RASA2: variants seen among roughly 807,000 people sequenced by gnomAD.
RASA2 encodes the protein ras GTPase-activating protein 2.
A neutral mutation model predicts 118.2 loss-of-function variants in RASA2; 155 were observed. The observed-to-expected ratio is 1.31, with a 90% CI of 1.15 to 1.50. RASA2 has a LOEUF of 1.50. RASA2 is among the 40% of genes most tolerant of loss of function. RASA2 has a pLI of 0.00. For synonymous variants in RASA2, 353 were observed against 349.1 expected (o/e 1.01, Z -0.12); for missense variants, 1,016 against 1,009.6 (o/e 1.01, Z -0.09).
chr3:141,511,164 A>G (rs1452265425), intron 1 of RASA2, among the ~76,000 whole-genome samples: 1 of 152,128 alleles, frequency 6.6e-6, no homozygotes, highest in African/African-American at 2.4e-5. Flanking sequence ...TGAGAGTAAG[A>G]GAGAAAAATG....
chr3:141,604,021 A>G (rs1385693293), intron 19 of RASA2, among the ~76,000 whole-genome samples: 1 of 152,232 alleles, frequency 6.6e-6, no homozygotes, highest in Admixed American at 6.5e-5. Flanking sequence ...GTTTTTGGCT[A>G]TTATGAACAA....
intron 19 of RASA2, chr3:141,590,044 A>G (rs901987406): frequency 2.3e-6 from 1 of 441,108 alleles, no homozygotes; most frequent in Non-Finnish European, 4.5e-6. Flanking sequence ...CAAAGCCTGC[A>G]GTTTTAAGCT....
Position 141,553,931 on chromosome 3 carries a change from G to T in RASA2, c.602G>T (p.Gly201Val). 6.2e-7 allele frequency: 1 copy of T among 1,610,666 alleles called. No individual in the cohort carries two copies. Among genetic ancestry groups the T allele is most frequent in the Non-Finnish European group, 8.5e-7 (1 of 1,178,214 alleles). ...CCTTATGCAACAGTTTCTCTAGTGG[G>T]CCCTTCTAGGTAATATTTATTGAAT... ...CDPYATVSLV[G>V]PSRNDQKKTK... Residue 201 changes from glycine to valine, a missense_variant, in exon 6 of 24, where the codon GGC becomes GTC. Around this residue, in one of 2 missense-constraint regions of RASA2, gnomAD observed 896 missense variants for 836.4 expected, o/e 1.07. Transcript: ENST00000286364.
chr3:141,612,257 GA>G (rs771551120), intron 23 of RASA2, 25 bp from the exon 24 acceptor site: 1 of 1,538,806 alleles, frequency 6.5e-7, no homozygotes, highest in South Asian at 1.2e-5. Context: ...CTTAAATTTT[GA>G]AAAATGACTT....
intron 19 of RASA2, among the ~76,000 whole-genome samples, chr3:141,604,126 T>C: frequency 6.6e-6 from 1 of 152,164 alleles, no homozygotes; most frequent in East Asian, 1.9e-4. Flanking sequence ...GTTAATAGGG[T>C]ATTTCTGTTT....
chr3:141,612,276 TCTC>T lies in RASA2; in HGVS notation c.2520-6_2520-4del. ...AATTTTGAAAAATGACTTTTTTTCT[TCTC>T]TAGGGAAAATCCAATTGTTGGGAAA... On this transcript the variant is annotated splice_polypyrimidine_tract_variant and splice_region_variant and intron_variant, in intron 23 of 23. Transcript: ENST00000286364. The T allele has an allele frequency of 1.3e-6, 2 of 1,580,598 alleles. No homozygotes were observed. Among genetic ancestry groups the T allele is most frequent in the Middle Eastern group, 1.7e-4 (1 of 5,956 alleles).
intron 19 of RASA2, among the ~76,000 whole-genome samples, chr3:141,589,092 G>A (rs1378349574): frequency 6.6e-6 from 1 of 152,042 alleles, no homozygotes; most frequent in Admixed American, 6.6e-5. Flanking sequence ...TGCCCCCTCA[G>A]CCTCCTAAAG....
At chr3:141,545,759 T>C (rs2082475734) in intron 5 of RASA2, among the ~76,000 whole-genome samples, 1 of 152,080 alleles carries the variant, frequency 6.6e-6, no homozygotes, top group South Asian at 2.1e-4. Flanking sequence ...TTTTAGTTAT[T>C]TTTAAATGTA....
At chr3:141,540,306 A>G (rs1460033121) in intron 4 of RASA2, among the ~76,000 whole-genome samples, 1 of 152,196 alleles carries the variant, frequency 6.6e-6, no homozygotes, top group Non-Finnish European at 1.5e-5. Flanking sequence ...AATTGGACAT[A>G]AAATTCTTAA....
In RASA2 at chr3:141,581,100, T is replaced by G. The variant is rs1324470882; in HGVS notation, c.1675T>G (p.Ser559Ala). ...GSWGSLSKSK[S>A]SFKETFMCEF... Reference sequence around the variant, plus strand: ...AAACCCTGTGTTTGTTTTTTCTTAGTCAAGTTTCAAAGAGACATTCATGTG... The same window carrying G: ...AAACCCTGTGTTTGTTTTTTCTTAGGCAAGTTTCAAAGAGACATTCATGTG... Residue 559 changes from serine to alanine, a missense_variant and splice_region_variant, in exon 17 of 24, where the codon TCA becomes GCA. Physicochemically the swap from Ser to Ala is moderately conservative, Grantham distance 99 (BLOSUM62 1). Transcript: ENST00000286364. 6.5e-7 allele frequency: 1 copy of G among 1,528,336 alleles called. No individual in the cohort carries two copies. The highest frequency in any genetic ancestry group is 8.7e-7 in the Non-Finnish European group (1 of 1,146,088). The allele number at this position is 1,528,336 out of a possible 1,614,324, so 94.7% of individuals were successfully genotyped here.
At chr3:141,589,344 C>G (rs923823883) in intron 19 of RASA2, among the ~76,000 whole-genome samples, 2 of 152,138 alleles carry the variant, frequency 1.3e-5, no homozygotes, top group African/African-American at 2.4e-5. Context: ...ATTTTCTAAT[C>G]TAAACCAATA....
intron 3 of RASA2, among the ~76,000 whole-genome samples, chr3:141,519,729 C>G (rs1006735193): frequency 2.0e-5 from 3 of 152,034 alleles, no homozygotes; most frequent in Non-Finnish European, 4.4e-5. Context: ...TATAGATCAC[C>G]CTTGAAGCTG....
At chr3:141,530,063 A>G (rs1361036191) in intron 4 of RASA2, among the ~76,000 whole-genome samples, 2 of 152,098 alleles carry the variant, frequency 1.3e-5, no homozygotes, top group East Asian at 1.9e-4. Context: ...TTGAGTCACA[A>G]TAGCAAATTA....
intron 7 of RASA2, 57 bp from the exon 8 acceptor site, chr3:141,558,829 C>T: frequency 1.6e-6 from 2 of 1,284,494 alleles, no homozygotes; most frequent in Non-Finnish European, 1.1e-6. Context: ...CATTTTTAAG[C>T]TGTAGGAAAA....
At chr3:141,597,761 G>A (rs1324476766) in intron 19 of RASA2, among the ~76,000 whole-genome samples, 1 of 151,506 alleles carries the variant, frequency 6.6e-6, no homozygotes, top group African/African-American at 2.4e-5. Context: ...AGTGAAATAG[G>A]AAACAAACTA....
chr3:141,489,982 G>GC (rs1292761628), intron 1 of RASA2, among the ~76,000 whole-genome samples: 15 of 106,986 alleles, frequency 1.4e-4, no homozygotes, highest in African/African-American at 2.9e-4. Context: ...TTTTTTTTTT[G>GC]CCGGGGGGCT....
Position 141,609,910 on chromosome 3 carries a change from CA to C in RASA2, c.2364del (p.Gln789ArgfsTer11). Reference protein sequence around the residue: ...ACGTIAVYQGPQKEPDDYSNF... With the variant: ...ACGTIAVYQGXQKEPDDYSNF... ...GGAACTATTGCAGTCTATCAAGGAC[CA>C]CAGAAAGAGCCTGATGATTATTCTA... On this transcript the variant is annotated frameshift_variant, in exon 23 of 24. Transcript: ENST00000286364. LOFTEE classifies it high-confidence loss of function. 1 of 1,600,038 alleles carries C rather than the reference CA, an allele frequency of 6.2e-7. No homozygotes were observed. The highest frequency in any genetic ancestry group is 8.5e-7 in the Non-Finnish European group (1 of 1,174,528).
intron 5 of RASA2, 133 bp from the exon 6 acceptor site, chr3:141,553,724 A>G: frequency 1.4e-6 from 2 of 1,434,838 alleles, no homozygotes; most frequent in Non-Finnish European, 1.8e-6. Flanking sequence ...TATAGGTAGT[A>G]TATAGCCATA....
chr3:141,494,560 G>A (rs1352808205), intron 1 of RASA2, among the ~76,000 whole-genome samples: 1 of 152,034 alleles, frequency 6.6e-6, no homozygotes, highest in African/African-American at 2.4e-5. Context: ...GTAGAGACGG[G>A]GTTTCACCAT....
Sources: gnomAD v4.1 joint callset for allele counts (sites outside exome capture counted in the v4.1 genomes callset) on GRCh38, gnomAD v4.1.1 for gene constraint, gnomAD v4.1.1 regional missense constraint, MANE v1.5 for transcripts, NCBI Gene and HGNC (gene_info 2026-07-23, HGNC 2026-07-21) for gene names.